Variants in EDIL3 observed in about 807,000 individuals in gnomAD.
The protein encoded by EDIL3 is EGF-like repeat and discoidin I-like domain-containing protein 3.
A neutral mutation model predicts 67.4 loss-of-function variants in EDIL3; 37 were observed. The observed-to-expected ratio is 0.55, with a 90% confidence interval of 0.42 to 0.72. EDIL3 has a LOEUF of 0.72. Ranked by LOEUF, EDIL3 falls within the 30% of genes least tolerant of loss-of-function variation. EDIL3 has a pLI of 0.00. For missense variants in EDIL3, 527 were observed against 586.3 expected (o/e 0.90, Z 1.04); for synonymous variants, 195 against 196.3 (o/e 0.99, Z 0.05).
At chr5:84,250,748 A>T (rs1745009809) in intron 2 of EDIL3, among the ~76,000 whole-genome samples, 1 of 152,236 alleles carries the variant, frequency 6.6e-6, no homozygotes, top group South Asian at 2.1e-4. Context: ...AAAAACTGGG[A>T]TCAAAAAACA....
At chr5:84,196,787 A>T (rs1366573571) in intron 3 of EDIL3, 1 of 152,060 alleles carries the variant, frequency 6.6e-6, no homozygotes, top group Admixed American at 6.6e-5. Context: ...TTCAACACAT[A>T]AGAAAATGCT....
chr5:84,384,113 C>T (rs1265858416), intron 1 of EDIL3, among the ~76,000 whole-genome samples, 195 bp downstream of exon 1: 1 of 152,162 alleles, frequency 6.6e-6, no homozygotes, highest in Non-Finnish European at 1.5e-5. Flanking sequence ...CTTCTCCCCG[C>T]TCGGCCCCGC....
intron 1 of EDIL3, among the ~76,000 whole-genome samples, chr5:84,331,819 T>G (rs945462779): frequency 1.3e-5 from 2 of 152,194 alleles, no homozygotes; most frequent in African/African-American, 4.8e-5. Context: ...TAACACTTCA[T>G]GTACATATTC....
At chr5:84,179,254 A>G (rs1748973591) in intron 4 of EDIL3, among the ~76,000 whole-genome samples, 2 of 152,176 alleles carry the variant, frequency 1.3e-5, no homozygotes, top group Non-Finnish European at 2.9e-5. Flanking sequence ...AAGGCTGAGC[A>G]GTGATGCTAG....
chr5:84,320,101 G>A (rs981508125), intron 1 of EDIL3, among the ~76,000 whole-genome samples: 36 of 151,966 alleles, frequency 2.4e-4, no homozygotes, highest in African/African-American at 8.5e-4. Context: ...GTATACCTAT[G>A]TAACAAACCT....
At chr5:83,985,751 T>A (rs1745048458) in intron 9 of EDIL3, among the ~76,000 whole-genome samples, 1 of 151,834 alleles carries the variant, frequency 6.6e-6, no homozygotes, top group African/African-American at 2.4e-5. Context: ...ATAGGTAAAA[T>A]ATATAATTAC....
At chr5:84,135,643 G>A (rs1580343755) in intron 5 of EDIL3, among the ~76,000 whole-genome samples, 1 of 152,112 alleles carries the variant, frequency 6.6e-6, no homozygotes, top group East Asian at 1.9e-4. Context: ...TAACTTAGTG[G>A]GTGATTAGTT....
chr5:84,003,760 A>G (rs1484199106), intron 9 of EDIL3, among the ~76,000 whole-genome samples: 1 of 152,160 alleles, frequency 6.6e-6, no homozygotes, highest in Non-Finnish European at 1.5e-5. Context: ...AAGCAACTAC[A>G]TGATCGAGTC....
chr5:83,972,509 A>G (rs183264376), intron 9 of EDIL3, among the ~76,000 whole-genome samples: 3 of 152,226 alleles, frequency 2.0e-5, no homozygotes, highest in East Asian at 1.9e-4. Flanking sequence ...GTCATGACTC[A>G]TAAGTGGAAT....
At chr5:84,053,958 T>C (rs1746393511) in intron 9 of EDIL3, among the ~76,000 whole-genome samples, 1 of 152,180 alleles carries the variant, frequency 6.6e-6, no homozygotes, top group African/African-American at 2.4e-5. Flanking sequence ...ACTCATTTTA[T>C]GAGGCCAGCA....
chr5:84,340,583 T>C (rs900382189), intron 1 of EDIL3, among the ~76,000 whole-genome samples: 2 of 145,244 alleles, frequency 1.4e-5, no homozygotes, highest in African/African-American at 5.0e-5. Flanking sequence ...TTAGTCTACA[T>C]ATATATATGT....
chr5:84,026,696 G>A lies in EDIL3; in HGVS notation c.1137+33604C>T, dbSNP rs554804117. Among the ~76,000 whole-genome samples, 6 of 152,032 alleles carry A rather than the reference G, an allele frequency of 3.9e-5. No homozygotes were observed. The South Asian group carries it at 6.2e-4, about 16-fold the overall frequency. On this transcript the variant is annotated intron_variant, in intron 9 of 10. Coordinates refer to ENST00000296591, the MANE Select transcript of EDIL3 (RefSeq NM_005711.5). ...ATTATTTCCAACTGTAATTTTCACC[G>A]TGAACTAAATAAAATCTGCTTCAAA...
At chr5:84,208,136 G>T (rs1397321132) in intron 3 of EDIL3, among the ~76,000 whole-genome samples, 2 of 151,954 alleles carry the variant, frequency 1.3e-5, no homozygotes, top group South Asian at 4.2e-4. Flanking sequence ...GAAAATTTTC[G>T]CAACCTACTC....
intron 9 of EDIL3, among the ~76,000 whole-genome samples, chr5:84,007,012 A>G (rs923391797): frequency 6.6e-6 from 1 of 152,154 alleles, no homozygotes; most frequent in East Asian, 1.9e-4. Flanking sequence ...ATTTTTGACA[A>G]GGCACCAAGA....
Position 84,204,804 on chromosome 5 carries a change from TAA to T in EDIL3, c.227-24285_227-24284del, listed in dbSNP as rs11322668. 5.9e-3 allele frequency among the ~76,000 whole-genome samples: 818 copies of T among 138,344 alleles called. 4 individuals carry two copies. The highest frequency in any genetic ancestry group is 0.023 in the South Asian group (99 of 4,332). The allele number at this position is 138,344 out of a possible 152,430, so 90.8% of individuals were successfully genotyped here. ...AGTTAATTGGCCCAAGGCCAATATT[TAA>T]AAAAAAAAAAAAAAAAGGCCACATG... On this transcript the variant is annotated intron_variant, in intron 3 of 10. Coordinates refer to ENST00000296591, the MANE Select transcript of EDIL3 (RefSeq NM_005711.5).
chr5:84,317,919 G>A (rs182319970), intron 1 of EDIL3, among the ~76,000 whole-genome samples: 11 of 152,168 alleles, frequency 7.2e-5, no homozygotes, highest in South Asian at 2.1e-4. Flanking sequence ...AAACTCCATC[G>A]TCTCAGCCCA....
chr5:84,186,380 T>A (rs1743450755), intron 3 of EDIL3, among the ~76,000 whole-genome samples: 1 of 152,082 alleles, frequency 6.6e-6, no homozygotes, highest in African/African-American at 2.4e-5. Flanking sequence ...GTACTCCTTA[T>A]GTGCTGGTCT....
In EDIL3 at chr5:83,941,336, C is replaced by A. The variant is rs1051810141; in HGVS notation, c.*2083G>T. ...AGGTAACAAATATAATTTTAATCAA[C>A]TTCCTTGGAAAATATTTTTAAAACA... is the stretch of plus-strand genomic sequence containing the variant. On this transcript the variant is annotated 3_prime_UTR_variant, in exon 11 of 11. Transcript: ENST00000296591. 6.6e-6 allele frequency: 1 copy of A among 151,970 alleles called. No individual in the cohort carries two copies. Among genetic ancestry groups the A allele is most frequent in the Non-Finnish European group, 1.5e-5 (1 of 67,894 alleles). The allele number at this position is 151,970 out of a possible 1,614,324, so 9.4% of individuals were successfully genotyped here.
intron 9 of EDIL3, among the ~76,000 whole-genome samples, chr5:83,966,086 G>A (rs1039844495): frequency 3.3e-5 from 5 of 152,012 alleles, no homozygotes; most frequent in Non-Finnish European, 7.4e-5. Context: ...GTCTAGGACC[G>A]CTCTGCCCTC....
Sources: allele counts gnomAD v4.1 joint callset (sites outside exome capture counted in the v4.1 genomes callset), GRCh38; gene constraint gnomAD v4.1.1; transcripts MANE v1.5; gene names NCBI Gene and HGNC (gene_info 2026-07-23, HGNC 2026-07-21).